FER: variants seen among roughly 807,000 people sequenced by gnomAD.
The protein encoded by FER is FER tyrosine kinase, also known as tyrosine-protein kinase Fer.
FER carries 63 observed loss-of-function variants against 111.0 expected under a neutral mutation model. The observed-to-expected ratio is 0.57, with a 90% CI of 0.46 to 0.70. The LOEUF (loss-of-function observed/expected upper bound fraction) is 0.70. Among genes scored for constraint, FER ranks in the 30% least tolerant of loss-of-function variants. The pLI, the probability that FER is intolerant of heterozygous loss-of-function variation, is 0.00. For missense variants in FER, 914 were observed against 954.0 expected, an observed-to-expected ratio of 0.96 and a Z score of 0.55; for synonymous variants, 327 against 313.9, an observed-to-expected ratio of 1.04 and a Z score of -0.44.
intron 16 of FER, among the ~76,000 whole-genome samples, chr5:109,057,988 A>G (rs1279246113): frequency 6.6e-6 from 1 of 152,248 alleles, no homozygotes; most frequent in African/African-American, 2.4e-5. Flanking sequence ...CACAATTTTA[A>G]CAAAGCAAAT....
intron 13 of FER, among the ~76,000 whole-genome samples, chr5:109,028,786 G>T (rs1268335450): frequency 6.6e-6 from 1 of 152,210 alleles, no homozygotes; most frequent in Non-Finnish European, 1.5e-5. Flanking sequence ...AGCAGGAATT[G>T]TATGGCTAAG....
chr5:108,948,352 A>C (rs191024105), intron 11 of FER, among the ~76,000 whole-genome samples: 1 of 152,202 alleles, frequency 6.6e-6, no homozygotes, highest in East Asian at 1.9e-4. Context: ...TGATGTCATC[A>C]GATGTTTAAT....
intron 10 of FER, among the ~76,000 whole-genome samples, chr5:108,903,337 C>T (rs993610934): frequency 1.3e-5 from 2 of 152,206 alleles, no homozygotes; most frequent in African/African-American, 4.8e-5. Flanking sequence ...TATTTTGTTA[C>T]ATTTTCAACC....
At chr5:109,171,620 A>G (rs1757099197) in intron 17 of FER, among the ~76,000 whole-genome samples, 1 of 152,158 alleles carries the variant, frequency 6.6e-6, no homozygotes, top group African/African-American at 2.4e-5. Flanking sequence ...CAAGTATAAC[A>G]TTTTAAGTTA....
intron 16 of FER, among the ~76,000 whole-genome samples, chr5:109,065,432 A>C (rs749438065): frequency 6.6e-6 from 1 of 152,282 alleles, no homozygotes; most frequent in South Asian, 2.1e-4. Flanking sequence ...TTGTAATGCT[A>C]CTCTTTTATT....
At chr5:108,776,609 T>C (rs1287916608) in intron 2 of FER, among the ~76,000 whole-genome samples, 3 of 152,226 alleles carry the variant, frequency 2.0e-5, no homozygotes, top group African/African-American at 4.8e-5. Flanking sequence ...AAACTAGTTA[T>C]CTGTTTTACA....
At position 108,871,474 on chromosome 5, in the gene FER, G is replaced by C. The variant is rs781065252; in HGVS notation, c.775G>C (p.Glu259Gln). The part of the protein sequence containing the change: ...MSVEQIDPST[E>Q]YNNFIDVHRT... ...GGTTGAACAGATAGATCCTAGTACA[G>C]AATACAATAATTTCATAGATGTTCA... Residue 259 changes from glutamate (E) to glutamine (Q), a missense_variant, in exon 7 of 20, where the codon GAA becomes CAA. By Grantham distance (29) the Glu-to-Gln change is conservative. Around this residue, in one of 3 missense-constraint regions of FER, gnomAD observed 774 missense variants for 782.6 expected, o/e 0.99. Coordinates refer to ENST00000281092, the MANE Select transcript of FER (RefSeq NM_005246.4). 7 of 1,606,000 alleles carry C rather than the reference G, an allele frequency of 4.4e-6. No homozygotes were observed. Among genetic ancestry groups the C allele is most frequent in the Non-Finnish European group, 6.0e-6 (7 of 1,175,140 alleles).
At chr5:109,063,615 G>A (rs1774717748) in intron 16 of FER, among the ~76,000 whole-genome samples, 1 of 152,078 alleles carries the variant, frequency 6.6e-6, no homozygotes, top group Non-Finnish European at 1.5e-5. Flanking sequence ...TCAGTTTTGA[G>A]GCCGATTAAA....
chr5:109,060,876 ATC>A (rs1480582737), intron 16 of FER, among the ~76,000 whole-genome samples: 13 of 151,950 alleles, frequency 8.6e-5, no homozygotes, highest in Admixed American at 6.6e-4. Flanking sequence ...CATCATCATC[ATC>A]AGTATCATTA....
At chr5:109,005,731 A>C (rs150137355) in intron 13 of FER, among the ~76,000 whole-genome samples, 78 of 152,342 alleles carry the variant, frequency 5.1e-4, no homozygotes, top group South Asian at 2.9e-3. Context: ...AACACACAAG[A>C]GTTTAAATTT....
chr5:109,079,806 T>G (rs891806110), intron 16 of FER, among the ~76,000 whole-genome samples: 1 of 152,128 alleles, frequency 6.6e-6, no homozygotes, highest in African/African-American at 2.4e-5. Flanking sequence ...TGCCCTGCAA[T>G]GTAGCTGTCA....
chr5:109,060,664 C>T (rs115826037), intron 16 of FER, among the ~76,000 whole-genome samples: 11,123 of 151,600 alleles, frequency 0.073, 509 homozygotes, highest in Middle Eastern at 0.16. Context: ...GGCCTGGTGA[C>T]AGAGTGAGAC....
intron 17 of FER, among the ~76,000 whole-genome samples, chr5:109,154,386 A>G (rs1755150069): frequency 6.6e-6 from 1 of 151,944 alleles, no homozygotes. Flanking sequence ...CCTTGATGAA[A>G]TGATTTCTGT....
intron 6 of FER, among the ~76,000 whole-genome samples, chr5:108,869,815 T>C (rs887944175): frequency 9.2e-5 from 14 of 152,148 alleles, no homozygotes; most frequent in African/African-American, 3.1e-4. Flanking sequence ...CTTTTACTTC[T>C]CTTTATGTGA....
chr5:109,011,385 T>A (rs1244622938), intron 13 of FER, among the ~76,000 whole-genome samples: 2 of 152,198 alleles, frequency 1.3e-5, no homozygotes, highest in Non-Finnish European at 2.9e-5. Flanking sequence ...AAAGAATTAG[T>A]GAGATAAGGT....
intron 16 of FER, among the ~76,000 whole-genome samples, chr5:109,050,848 T>G (rs1330840171): frequency 2.0e-5 from 3 of 152,296 alleles, no homozygotes; most frequent in East Asian, 1.9e-4. Context: ...AGCAGGGACT[T>G]AAGGACAATC....
At chr5:109,099,974 A>G (rs1748022334) in intron 16 of FER, among the ~76,000 whole-genome samples, 1 of 151,716 alleles carries the variant, frequency 6.6e-6, no homozygotes, top group African/African-American at 2.4e-5. Flanking sequence ...CATATAATTT[A>G]CTTTTTTGTA....
chr5:108,757,933 G>T (rs1751298521), intron 1 of FER, among the ~76,000 whole-genome samples: 1 of 152,044 alleles, frequency 6.6e-6, no homozygotes, highest in Non-Finnish European at 1.5e-5. Flanking sequence ...TTGGAGCCTG[G>T]TTTACCCTGT....
intron 3 of FER, chr5:108,820,076 A>AG: frequency 2.0e-6 from 2 of 985,052 alleles, no homozygotes; most frequent in Non-Finnish European, 2.4e-6. Context: ...TATAAAAAAA[A>AG]GAAGCTAAAG....
Sources: allele counts gnomAD v4.1 joint callset (sites outside exome capture counted in the v4.1 genomes callset), GRCh38; gene constraint gnomAD v4.1.1; regional missense constraint gnomAD v4.1.1; transcripts MANE v1.5; gene names NCBI Gene and HGNC (gene_info 2026-07-23, HGNC 2026-07-21).